NTF3: variants seen among roughly 807,000 people sequenced by gnomAD.
NTF3 encodes the protein neurotrophin 3, also known as neurotrophin-3.
NTF3 carries 8 observed loss-of-function variants against 26.3 expected under a neutral mutation model. The observed-to-expected ratio is 0.30, with a 90% CI of 0.18 to 0.55. NTF3 has a LOEUF of 0.55. Among genes scored for constraint, NTF3 ranks in the 20% least tolerant of loss-of-function variants. The pLI, the probability that NTF3 is intolerant of heterozygous loss-of-function variation, is 0.93. For synonymous variants in NTF3, 154 were observed against 145.5 expected, an observed-to-expected ratio of 1.06 and a Z score of -0.42; for missense variants, 276 against 352.9, an observed-to-expected ratio of 0.78 and a Z score of 1.75.
At chr12:5,443,550 G>T (rs1940266289) in intron 1 of NTF3, among the ~76,000 whole-genome samples, 1 of 152,172 alleles carries the variant, frequency 6.6e-6, no homozygotes, top group East Asian at 1.9e-4. Flanking sequence ...AAATATATGT[G>T]CATGGTGCTT....
chr12:5,439,020 T>A (rs576021587), intron 1 of NTF3, among the ~76,000 whole-genome samples: 1 of 152,310 alleles, frequency 6.6e-6, no homozygotes, highest in East Asian at 1.9e-4. Flanking sequence ...TGCCAGAGTG[T>A]TTCCTTTTGG....
At chr12:5,432,678 G>C (rs1940111561) in intron 1 of NTF3, among the ~76,000 whole-genome samples, 1 of 151,818 alleles carries the variant, frequency 6.6e-6, no homozygotes, top group African/African-American at 2.4e-5. Flanking sequence ...CTCAATCTGG[G>C]AAAGTGATCA....
chr12:5,441,963 C>T (rs914836613), intron 1 of NTF3, among the ~76,000 whole-genome samples: 3 of 152,188 alleles, frequency 2.0e-5, no homozygotes, highest in African/African-American at 4.8e-5. Context: ...GGTGTCATTG[C>T]ATACGCATTA....
At position 5,432,244 on chromosome 12, in the gene NTF3, G is replaced by T; in HGVS notation, c.-81G>T. 1 of 1,482,340 alleles carries T rather than the reference G, an allele frequency of 6.7e-7. No individual in the cohort carries two copies. 91.8% of individuals were successfully genotyped at this position (1,482,340 alleles called of 1,614,324 possible). A position where few individuals can be genotyped will look rare whatever the true frequency, so the allele number is the denominator to read the frequency against. ...CCTGCTGGGTAGTGGCTGCGGCGGG[G>T]TGGGGGAGACTTTGAATGACCGAGC... On this transcript the variant is annotated 5_prime_UTR_variant, in exon 1 of 2. Transcript: ENST00000423158.
chr12:5,433,914 C>T lies in NTF3; in HGVS notation c.18+1572C>T, dbSNP rs1366734495. On this transcript the variant is annotated intron_variant, in intron 1 of 1. Coordinates refer to ENST00000423158, the MANE Select transcript of NTF3 (RefSeq NM_001102654.2). This position sits in a 1 kb window ranked among gnomAD's most constrained non-coding sequence, Gnocchi z 4.6. ...TTCTCCTGGAGCCTGATGTTTGTAA[C>T]TCAGCTGATTATGGAGTGCACTGAG... 1.3e-5 allele frequency among the ~76,000 whole-genome samples: 2 copies of T among 152,156 alleles called. No individual in the cohort carries two copies. Among genetic ancestry groups the T allele is most frequent in the African/African-American group, 4.8e-5 (2 of 41,442 alleles).
intron 1 of NTF3, among the ~76,000 whole-genome samples, chr12:5,482,291 G>A (rs1940816882): frequency 6.6e-6 from 1 of 152,186 alleles, no homozygotes; most frequent in Admixed American, 6.5e-5. Flanking sequence ...ACCCCTCTTG[G>A]GACAAGGTAC....
chr12:5,486,366 G>T (rs543865797), intron 1 of NTF3, among the ~76,000 whole-genome samples: 1 of 152,176 alleles, frequency 6.6e-6, no homozygotes. Flanking sequence ...ATTTCCCTTA[G>T]CCTTCAACCC....
chr12:5,445,326 G>T (rs1940292005), intron 1 of NTF3, among the ~76,000 whole-genome samples: 2 of 151,264 alleles, frequency 1.3e-5, no homozygotes, highest in Non-Finnish European at 3.0e-5. Flanking sequence ...GTGTGTGTGT[G>T]TGTGTGTGTG....
chr12:5,453,546 C>T (rs578140078), intron 1 of NTF3, among the ~76,000 whole-genome samples: 1 of 152,350 alleles, frequency 6.6e-6, no homozygotes, highest in South Asian at 2.1e-4. Context: ...TTGGCTTTAT[C>T]TGTGCGCTGC....
At chr12:5,487,047 T>C (rs1473100801) in intron 1 of NTF3, among the ~76,000 whole-genome samples, 1 of 152,194 alleles carries the variant, frequency 6.6e-6, no homozygotes, top group Non-Finnish European at 1.5e-5. Context: ...TCAGATTTTC[T>C]CTGCAGATCC....
intron 1 of NTF3, among the ~76,000 whole-genome samples, chr12:5,492,564 G>A (rs1940951097): frequency 6.6e-6 from 1 of 152,198 alleles, no homozygotes; most frequent in Non-Finnish European, 1.5e-5. Flanking sequence ...CATTTTCCTA[G>A]GATAGTACAA....
intron 1 of NTF3, among the ~76,000 whole-genome samples, chr12:5,439,630 C>T (rs1232607278): frequency 6.6e-6 from 1 of 152,198 alleles, no homozygotes; most frequent in Non-Finnish European, 1.5e-5. Context: ...GACAAGGGAA[C>T]CTGCCCTTAC....
At position 5,494,516 on chromosome 12, in the gene NTF3, C is replaced by T. The variant is rs1400498763; in HGVS notation, c.341C>T (p.Ser114Leu). The stretch of plus-strand genomic sequence containing the variant: ...CTGCGACAACAGAGACGCTACAACT[C>T]ACCGCGGGTCCTGCTGAGCGACAGC... The part of the protein sequence containing the change: ...ELLRQQRRYN[S>L]PRVLLSDSTP... The change falls in exon 2 of 2, where the codon TCA (serine) becomes TTA (leucine). Residue 114 changes from serine (S) to leucine (L), a missense_variant. Coordinates refer to ENST00000423158, the MANE Select transcript of NTF3 (RefSeq NM_001102654.2). This position sits in a 1 kb window ranked among gnomAD's most constrained non-coding sequence, Gnocchi z 8.3. The T allele has an allele frequency of 1.2e-6, 2 of 1,613,934 alleles. No individual in the cohort carries two copies. The highest frequency in any genetic ancestry group is 1.7e-6 in the Non-Finnish European group (2 of 1,180,056).
chr12:5,494,857 T>C lies in NTF3; in HGVS notation c.682T>C (p.Ser228Pro). The change falls in exon 2 of 2, where the codon TCT becomes CCT. Residue 228 changes from serine to proline, a missense_variant. Ser to Pro is a moderately conservative substitution (Grantham distance 74, BLOSUM62 -1). This residue lies in a region of NTF3 where 52 missense variants were observed against 78.4 expected (regional missense o/e 0.66). Coordinates refer to ENST00000423158, the MANE Select transcript of NTF3 (RefSeq NM_001102654.2). This position sits in a 1 kb window ranked among gnomAD's most constrained non-coding sequence, Gnocchi z 8.3. ...CRGIDDKHWN[S>P]QCKTSQTYVR... ...GGGTATTGATGATAAACACTGGAACTCTCAGTGCAAAACATCCCAAACCTA... is the reference window on the plus strand; with the variant it reads ...GGGTATTGATGATAAACACTGGAACCCTCAGTGCAAAACATCCCAAACCTA... The C allele has an allele frequency of 6.2e-7, 1 of 1,614,108 alleles. No individual in the cohort carries two copies.
At chr12:5,448,968 G>A (rs549756715) in intron 1 of NTF3, among the ~76,000 whole-genome samples, 1 of 152,298 alleles carries the variant, frequency 6.6e-6, no homozygotes, top group Non-Finnish European at 1.5e-5. Flanking sequence ...TTCTGTGCTG[G>A]ACAGGAATAC....
chr12:5,494,131 G>A lies in NTF3; in HGVS notation c.19-63G>A. Reference sequence around the variant, plus strand: ...AGGGCTACTCAGCCTCAGGTAGCTGGTGCCAGAATAACACAGACTCAGCTG... The same window carrying A: ...AGGGCTACTCAGCCTCAGGTAGCTGATGCCAGAATAACACAGACTCAGCTG... On this transcript the variant is annotated intron_variant, in intron 1 of 1. Coordinates refer to ENST00000423158, the MANE Select transcript of NTF3 (RefSeq NM_001102654.2). This position sits in a 1 kb window ranked among gnomAD's most constrained non-coding sequence, Gnocchi z 8.3. 2 of 1,523,894 alleles carry A rather than the reference G, an allele frequency of 1.3e-6. No homozygotes were observed. The highest frequency in any genetic ancestry group is 1.2e-5 in the South Asian group (1 of 83,898). The allele number at this position is 1,523,894 out of a possible 1,614,324, so 94.4% of individuals were successfully genotyped here. A position where few individuals can be genotyped will look rare whatever the true frequency, so the allele number is the denominator to read the frequency against.
At chr12:5,462,449 C>T (rs1344252796) in intron 1 of NTF3, among the ~76,000 whole-genome samples, 3 of 152,112 alleles carry the variant, frequency 2.0e-5, no homozygotes, top group African/African-American at 4.8e-5. Flanking sequence ...CACAGAGGCT[C>T]GAGGTAAGGA....
At chr12:5,444,274 TC>T (rs1315320979) in intron 1 of NTF3, among the ~76,000 whole-genome samples, 3 of 152,212 alleles carry the variant, frequency 2.0e-5, no homozygotes, top group Non-Finnish European at 4.4e-5. Flanking sequence ...TTATGTGTTT[TC>T]CTGTGGTATG....
rs1940478678 is a variant in NTF3, at chr12:5,458,301, C to T, written c.18+25959C>T. Among the ~76,000 whole-genome samples the T allele has an allele frequency of 2.6e-5, 4 of 152,212 alleles. No homozygotes were observed. The South Asian group carries it at 8.3e-4, about 31-fold the overall frequency. On this transcript the variant is annotated intron_variant, in intron 1 of 1. Coordinates refer to ENST00000423158, the MANE Select transcript of NTF3 (RefSeq NM_001102654.2). ...AGCAGTGGCCACTTGAGCATGACCG[C>T]CTCTGGGAGGCTGTCCCTAGTCCTC...
Sources: allele counts gnomAD v4.1 joint callset (sites outside exome capture counted in the v4.1 genomes callset), GRCh38; gene constraint gnomAD v4.1.1; regional missense constraint gnomAD v4.1.1; non-coding constraint Gnocchi (gnomAD v3.1); transcripts MANE v1.5; gene names NCBI Gene and HGNC (gene_info 2026-07-23, HGNC 2026-07-21).